SAMD12: variants seen among roughly 807,000 people sequenced by gnomAD.
The protein encoded by SAMD12 is sterile alpha motif domain-containing protein 12.
A neutral mutation model predicts 15.0 loss-of-function variants in SAMD12; 9 were observed. The ratio of observed to expected loss-of-function variants is 0.60; its 90% confidence interval spans 0.36 to 1.05. The LOEUF (loss-of-function observed/expected upper bound fraction) is 1.05, where lower values mean the gene tolerates loss of function less well. Among genes scored for constraint, SAMD12 ranks in the 50% least tolerant of loss-of-function variants. The pLI is 0.01. For synonymous variants in SAMD12, 86 were observed against 90.1 expected, an observed-to-expected ratio of 0.96 and a Z score of 0.25; for missense variants, 230 against 234.2, an observed-to-expected ratio of 0.98 and a Z score of 0.12.
chr8:118,340,853 T>C (rs1473233309), intron 4 of SAMD12, among the ~76,000 whole-genome samples: 1 of 152,142 alleles, frequency 6.6e-6, no homozygotes, highest in African/African-American at 2.4e-5. Context: ...CAAATTCCTA[T>C]AGGAGCCAGG....
the SAMD12 span, among the ~76,000 whole-genome samples, chr8:118,162,618 A>C: frequency 6.6e-6 from 1 of 152,164 alleles, no homozygotes; most frequent in Non-Finnish European, 1.5e-5. Flanking sequence ...CTCAAGAGGC[A>C]TGGGCTGCAG....
At chr8:118,558,684 G>A (rs1336835859) in intron 2 of SAMD12, among the ~76,000 whole-genome samples, 7 of 152,010 alleles carry the variant, frequency 4.6e-5, no homozygotes, top group East Asian at 1.9e-4. Flanking sequence ...TCAGCCTCCC[G>A]AGTAGCTGGG....
intron 4 of SAMD12, among the ~76,000 whole-genome samples, chr8:118,227,183 C>A (rs1029270372): frequency 9.2e-5 from 14 of 152,098 alleles, no homozygotes; most frequent in Non-Finnish European, 1.3e-4. Flanking sequence ...TACTGTGCTG[C>A]CATAAAACAG....
intron 2 of SAMD12, among the ~76,000 whole-genome samples, chr8:118,522,179 T>TACAC (rs57368278): frequency 6.2e-4 from 16 of 25,950 alleles, no homozygotes; most frequent in African/African-American, 3.9e-3. Context: ...CACACACACA[T>TACAC]ACACACACAC....
In SAMD12 at chr8:118,220,887, G is replaced by A. The variant is rs150967374; in HGVS notation, c.434-23155C>T. On this transcript the variant is annotated intron_variant, in intron 4 of 4. Transcript: ENST00000409003. ...GTGATTATGCAAATAGGCAAAACCT[G>A]TCCTTGTGCCAACTGCCTGAGAGAT... is the stretch of plus-strand genomic sequence containing the variant. Among the ~76,000 whole-genome samples, 491 of 152,266 alleles carry A rather than the reference G, an allele frequency of 3.2e-3. 1 individual carries two copies. The highest frequency in any genetic ancestry group is 5.0e-3 in the Non-Finnish European group (339 of 68,028).
chr8:118,189,182 T>G (rs1256938094), downstream of SAMD12, among the ~76,000 whole-genome samples: 1 of 152,162 alleles, frequency 6.6e-6, no homozygotes, highest in Non-Finnish European at 1.5e-5. Flanking sequence ...CACCAGTCAT[T>G]GCAATTATGC....
At chr8:118,612,795 A>C (rs924498065) in intron 1 of SAMD12, among the ~76,000 whole-genome samples, 1 of 152,218 alleles carries the variant, frequency 6.6e-6, no homozygotes, top group Admixed American at 6.5e-5. Flanking sequence ...ATTACCAATT[A>C]CTGGAAACAA....
At chr8:118,531,878 G>A (rs1358129505) in intron 2 of SAMD12, among the ~76,000 whole-genome samples, 1 of 152,172 alleles carries the variant, frequency 6.6e-6, no homozygotes, top group Non-Finnish European at 1.5e-5. Flanking sequence ...TGCAAACAGG[G>A]ACAATTCGAC....
chr8:118,318,797 T>C (rs574981911), intron 4 of SAMD12, among the ~76,000 whole-genome samples: 83 of 152,180 alleles, frequency 5.5e-4, no homozygotes, highest in Non-Finnish European at 1.1e-3. Context: ...GGGAGGGGGC[T>C]TCAAGGGACC....
At chr8:118,488,935 TCAAA>T (rs1297001067) in intron 2 of SAMD12, among the ~76,000 whole-genome samples, 2 of 152,342 alleles carry the variant, frequency 1.3e-5, no homozygotes, top group South Asian at 4.1e-4. Context: ...AAAAATCTTG[TCAAA>T]CAGTTTTCTG....
chr8:118,289,396 T>C (rs1245183300), intron 4 of SAMD12, among the ~76,000 whole-genome samples: 2 of 152,184 alleles, frequency 1.3e-5, no homozygotes, highest in Non-Finnish European at 2.9e-5. Context: ...AGCCTCAGCA[T>C]ATAGGTTCCT....
At chr8:118,613,427 C>A (rs972786044) in intron 1 of SAMD12, among the ~76,000 whole-genome samples, 11 of 152,190 alleles carry the variant, frequency 7.2e-5, no homozygotes, top group Middle Eastern at 3.4e-3. Flanking sequence ...CAAAAAAATC[C>A]ATTTTTTATT....
intron 4 of SAMD12, among the ~76,000 whole-genome samples, chr8:118,238,977 G>C (rs1266765558): frequency 6.6e-6 from 1 of 151,768 alleles, no homozygotes; most frequent in Admixed American, 6.6e-5. Flanking sequence ...TTTTACCATG[G>C]AAAAAAAGAA....
chr8:118,615,506 G>A (rs916982129), intron 1 of SAMD12, among the ~76,000 whole-genome samples: 13 of 152,124 alleles, frequency 8.5e-5, no homozygotes, highest in African/African-American at 3.1e-4. Context: ...CTACTCTACT[G>A]CTTATCAACA....
At chr8:118,260,038 G>A (rs536030130) in intron 4 of SAMD12, among the ~76,000 whole-genome samples, 2 of 152,214 alleles carry the variant, frequency 1.3e-5, no homozygotes, top group South Asian at 4.1e-4. Context: ...ATGCACAGTG[G>A]TGAACAAAAC....
chr8:118,551,118 G>A (rs1015362843), intron 2 of SAMD12, among the ~76,000 whole-genome samples: 13 of 152,078 alleles, frequency 8.5e-5, no homozygotes, highest in Admixed American at 7.2e-4. Flanking sequence ...ACAGATCAAC[G>A]GGACAGAAAG....
intron 2 of SAMD12, among the ~76,000 whole-genome samples, chr8:118,449,255 G>T (rs756847275): frequency 1.3e-5 from 2 of 151,836 alleles, no homozygotes; most frequent in Non-Finnish European, 2.9e-5. Flanking sequence ...TAGAGATGGG[G>T]TTTCTCCATG....
At chr8:118,200,964 C>T (rs755969351) in intron 4 of SAMD12, among the ~76,000 whole-genome samples, 40 of 152,296 alleles carry the variant, frequency 2.6e-4, no homozygotes, top group Admixed American at 1.3e-3. Flanking sequence ...ACAGGCGTGG[C>T]GTGCACCACT....
chr8:118,357,290 T>G (rs1180181177), intron 4 of SAMD12, among the ~76,000 whole-genome samples: 1 of 152,152 alleles, frequency 6.6e-6, no homozygotes, highest in Non-Finnish European at 1.5e-5. Context: ...CAGGCTGGAG[T>G]GCAGTGGCAC....
Sources: gnomAD v4.1 joint callset for allele counts (sites outside exome capture counted in the v4.1 genomes callset) on GRCh38, gnomAD v4.1.1 for gene constraint, MANE v1.5 for transcripts, NCBI Gene and HGNC (gene_info 2026-07-23, HGNC 2026-07-21) for gene names.